The following OSBPL10 variants were observed in gnomAD, a reference collection of about 807,000 sequenced individuals.
The protein encoded by OSBPL10 is oxysterol binding protein like 10.
OSBPL10 carries 49 observed loss-of-function variants against 81.7 expected under a neutral mutation model. That is an observed-to-expected ratio of 0.60 (90% CI 0.48 to 0.76). The LOEUF (loss-of-function observed/expected upper bound fraction) is 0.76, where lower values mean the gene tolerates loss of function less well. OSBPL10 is among the 30% of genes least tolerant of loss of function. The pLI, the probability that OSBPL10 is intolerant of heterozygous loss-of-function variation, is 0.00. For synonymous variants in OSBPL10, 419 were observed against 383.6 expected, an observed-to-expected ratio of 1.09 and a Z score of -1.08; for missense variants, 923 against 987.8, an observed-to-expected ratio of 0.93 and a Z score of 0.88.
At chr3:31,893,979 T>C (rs1456414289) in intron 1 of OSBPL10, among the ~76,000 whole-genome samples, 1 of 152,240 alleles carries the variant, frequency 6.6e-6, no homozygotes, top group Non-Finnish European at 1.5e-5. Flanking sequence ...AGTAACTCAA[T>C]TGTATACTTA....
At position 31,661,760 on chromosome 3, in the gene OSBPL10, TTA is replaced by T. The variant is rs1700075542; in HGVS notation, c.*310_*311del. On this transcript the variant is annotated 3_prime_UTR_variant, in exon 12 of 12. Coordinates refer to ENST00000396556, the MANE Select transcript of OSBPL10 (RefSeq NM_017784.5). ...TCAAACTTCATTGATAAAAAGGAGC[TTA>T]TGATTACCCACTTTAACCTTGGTGA... 3.9e-6 allele frequency: 1 copy of T among 255,384 alleles called. No homozygotes were observed. The highest frequency in any genetic ancestry group is 6.9e-5 in the East Asian group (1 of 14,404). 15.8% of individuals were successfully genotyped at this position (255,384 alleles called of 1,614,324 possible). A position where few individuals can be genotyped will look rare whatever the true frequency, so the allele number is the denominator to read the frequency against.
intron 4 of OSBPL10, among the ~76,000 whole-genome samples, chr3:31,798,322 C>T (rs959852014): frequency 1.3e-5 from 2 of 151,810 alleles, no homozygotes; most frequent in African/African-American, 4.8e-5. Context: ...CCCAGCTACT[C>T]AGGAAGCCGA....
upstream of OSBPL10, among the ~76,000 whole-genome samples, chr3:31,983,936 G>A (rs1698897845): frequency 6.6e-6 from 1 of 152,200 alleles, no homozygotes; most frequent in East Asian, 1.9e-4. Context: ...TAGAGGAAGA[G>A]TTTAACAATT....
chr3:32,031,236 G>T (rs1308263491), intron 2 of OSBPL10, among the ~76,000 whole-genome samples: 5 of 151,898 alleles, frequency 3.3e-5, no homozygotes, highest in African/African-American at 1.2e-4. Flanking sequence ...GAATGAAAAA[G>T]ACTTCACTAT....
intron 2 of OSBPL10, among the ~76,000 whole-genome samples, chr3:32,024,415 T>C (rs1000128097): frequency 6.6e-6 from 1 of 152,112 alleles, no homozygotes; most frequent in Non-Finnish European, 1.5e-5. Flanking sequence ...TGTATATATC[T>C]AGCACTACTT....
rs1215308006 is a variant in OSBPL10 at position 32,024,208 on chromosome 3, T to C, written n.298+22283A>G. Among the ~76,000 whole-genome samples, 9 of 152,172 alleles carry C rather than the reference T, an allele frequency of 5.9e-5. No homozygotes were observed. The South Asian group carries it at 1.2e-3, about 21-fold the overall frequency. ...CTGCAAGGTCCTTGGTATTTCCATA[T>C]AAATTTTATGATCAGCTTATCAATT... On this transcript the variant is annotated intron_variant and non_coding_transcript_variant, in intron 2 of 3. Transcript: ENST00000479173.
At chr3:31,953,435 G>A (rs539390029) in intron 1 of OSBPL10, among the ~76,000 whole-genome samples, 3 of 151,810 alleles carry the variant, frequency 2.0e-5, no homozygotes, top group Non-Finnish European at 2.9e-5. Flanking sequence ...TGTTGTTGCT[G>A]TTGAGGACAG....
At chr3:31,968,522 A>C (rs1195275434) in intron 1 of OSBPL10, among the ~76,000 whole-genome samples, 1 of 152,128 alleles carries the variant, frequency 6.6e-6, no homozygotes, top group Non-Finnish European at 1.5e-5. Flanking sequence ...AAAAAAAAAA[A>C]AAAAACACTT....
At chr3:31,776,886 T>A (rs1273946793) in intron 4 of OSBPL10, among the ~76,000 whole-genome samples, 1 of 152,126 alleles carries the variant, frequency 6.6e-6, no homozygotes, top group Non-Finnish European at 1.5e-5. Flanking sequence ...CACAACACTG[T>A]GAATACACTA....
At chr3:31,890,509 G>A (rs1355868426) in intron 1 of OSBPL10, among the ~76,000 whole-genome samples, 1 of 152,086 alleles carries the variant, frequency 6.6e-6, no homozygotes, top group Non-Finnish European at 1.5e-5. Flanking sequence ...CAGGCTGAGT[G>A]AAGCACCTCA....
At chr3:31,892,879 T>C (rs553416152) in intron 1 of OSBPL10, among the ~76,000 whole-genome samples, 2 of 152,302 alleles carry the variant, frequency 1.3e-5, no homozygotes, top group East Asian at 1.9e-4. Flanking sequence ...AGGGATTTAA[T>C]TGGGAATTTC....
chr3:32,004,845 G>A (rs1283758658), intron 2 of OSBPL10, among the ~76,000 whole-genome samples: 1 of 152,172 alleles, frequency 6.6e-6, no homozygotes, highest in Non-Finnish European at 1.5e-5. Context: ...TTTTACAGGT[G>A]CATAAAATTA....
intron 3 of OSBPL10, among the ~76,000 whole-genome samples, chr3:31,832,963 G>C (rs1700282833): frequency 6.6e-6 from 1 of 152,208 alleles, no homozygotes; most frequent in African/African-American, 2.4e-5. Flanking sequence ...AGAAATCAGA[G>C]TTTGGGTTTA....
At chr3:31,768,341 A>T (rs529394512) in intron 4 of OSBPL10, among the ~76,000 whole-genome samples, 4 of 152,266 alleles carry the variant, frequency 2.6e-5, no homozygotes, top group African/African-American at 9.6e-5. Context: ...CCAAACTCCT[A>T]TCTCAGGGCT....
intron 2 of OSBPL10, among the ~76,000 whole-genome samples, chr3:32,042,085 A>C (rs1699581248): frequency 6.6e-6 from 1 of 152,160 alleles, no homozygotes; most frequent in African/African-American, 2.4e-5. Flanking sequence ...TGCTATGAGG[A>C]AGGCCCGTGG....
At chr3:32,004,541 T>C in intron 2 of OSBPL10, among the ~76,000 whole-genome samples, 1 of 152,254 alleles carries the variant, frequency 6.6e-6, no homozygotes. Flanking sequence ...AGATATCGGC[T>C]GGAGAACTAG....
rs11456297 is a variant in OSBPL10 at position 31,934,410 on chromosome 3, C to CTTT, written c.281+46486_281+46488dup. Among the ~76,000 whole-genome samples, 158 of 141,732 alleles carry CTTT rather than the reference C, an allele frequency of 1.1e-3. 3 individuals carry two copies. The highest frequency in any genetic ancestry group is 4.7e-3 in the East Asian group (23 of 4,878). 93.0% of individuals were successfully genotyped at this position (141,732 alleles called of 152,430 possible). On this transcript the variant is annotated intron_variant, in intron 1 of 11. Transcript: ENST00000396556. ...GTCAAAGACCATCAGAAAATTCATTCTTTTTTTTTTTTTTTGGAGACAAAG... is the reference window on the plus strand; with the variant it reads ...GTCAAAGACCATCAGAAAATTCATTCTTTTTTTTTTTTTTTTTTGGAGACAAAG...
intron 1 of OSBPL10, among the ~76,000 whole-genome samples, chr3:31,934,076 T>TAAAA (rs35397219): frequency 7.6e-6 from 1 of 132,040 alleles, no homozygotes. Flanking sequence ...CACCTCTGTT[T>TAAAA]AAAAAAAAAA....
chr3:31,729,823 G>A (rs3792536), intron 6 of OSBPL10, among the ~76,000 whole-genome samples: 2,373 of 152,286 alleles, frequency 0.016, 35 homozygotes, highest in South Asian at 0.041. Flanking sequence ...CACCCAGGTA[G>A]GTGGGACTAA....
Sources: gnomAD v4.1 joint callset for allele counts (sites outside exome capture counted in the v4.1 genomes callset) on GRCh38, gnomAD v4.1.1 for gene constraint, MANE v1.5 for transcripts, NCBI Gene and HGNC (gene_info 2026-07-23, HGNC 2026-07-21) for gene names.